Variants in AK1 observed in about 807,000 individuals in gnomAD.
AK1 encodes adenylate kinase isoenzyme 1.
In AK1, 13 loss-of-function variants were observed where a neutral mutation model predicts 23.9. That is an observed-to-expected ratio of 0.54 (90% CI 0.35 to 0.86). AK1 has a LOEUF of 0.86. Among genes scored for constraint, AK1 ranks in the 40% least tolerant of loss-of-function variants. AK1 has a pLI of 0.01. For synonymous variants in AK1, 97 were observed against 102.8 expected (o/e 0.94, Z 0.34); for missense variants, 214 against 255.1 (o/e 0.84, Z 1.10).
intron 2 of AK1, 139 bp downstream of exon 2, chr9:127,874,472 G>A: frequency 6.3e-7 from 1 of 1,593,340 alleles, no homozygotes; most frequent in East Asian, 2.3e-5. Context: ...GAGGATACTG[G>A]AGGCTCCCAG....
intron 4 of AK1, 109 bp from the exon 5 acceptor site, chr9:127,872,048 A>G (rs563055475): frequency 4.2e-6 from 4 of 941,286 alleles, no homozygotes; most frequent in Admixed American, 3.6e-5. Context: ...CCCCAACACA[A>G]ATGTCCCAAA....
At chr9:127,874,578 C>T in intron 2 of AK1, 33 bp downstream of exon 2, 1 of 1,613,120 alleles carries the variant, frequency 6.2e-7, no homozygotes, top group Non-Finnish European at 8.5e-7. Context: ...CACTGAGGCC[C>T]AGGCAATGGG....
chr9:127,867,794 T>C lies in AK1; in HGVS notation c.*214A>G. The C allele has an allele frequency of 5.4e-6, 3 of 556,854 alleles. No individual in the cohort carries two copies. In the South Asian group the frequency reaches 6.0e-5, roughly 11 times the overall value. The allele number at this position is 556,854 out of a possible 1,614,324, so 34.5% of individuals were successfully genotyped here. On this transcript the variant is annotated 3_prime_UTR_variant, in exon 7 of 7. Transcript: ENST00000644144. ...TTGCGGCCAGGTAGGCACAAGCACA[T>C]GAATCAACTCCAACTGGAAGCAGAG...
intron 4 of AK1, among the ~76,000 whole-genome samples, chr9:127,872,309 G>A (rs1000279446): frequency 2.0e-5 from 3 of 152,130 alleles, no homozygotes; most frequent in Non-Finnish European, 2.9e-5. Context: ...CAGGTTGTAC[G>A]GGCAGAGAAG....
chr9:127,870,371 T>C (rs1829364798), intron 5 of AK1, among the ~76,000 whole-genome samples: 1 of 151,980 alleles, frequency 6.6e-6, no homozygotes, highest in Admixed American at 6.6e-5. Flanking sequence ...CCTGGCTAAT[T>C]TTTGTATTTT....
intron 1 of AK1, among the ~76,000 whole-genome samples, chr9:127,876,555 GGGTA>G (rs1043020761): frequency 1.3e-5 from 2 of 152,228 alleles, no homozygotes; most frequent in African/African-American, 4.8e-5. Flanking sequence ...GCTTCAGCGG[GGGTA>G]GGAGCTGCCA....
At chr9:127,872,953 G>A in intron 3 of AK1, 73 bp downstream of exon 3, 3 of 1,613,212 alleles carry the variant, frequency 1.9e-6, no homozygotes, top group East Asian at 2.2e-5. Context: ...AGCCCAGGGT[G>A]CAGCCCCAGG....
At position 127,871,724 on chromosome 9, in the gene AK1, A is replaced by C. The variant is rs1829414282; in HGVS notation, c.324+99T>G. On this transcript the variant is annotated intron_variant, in intron 5 of 6. Coordinates refer to ENST00000644144, the MANE Select transcript of AK1 (RefSeq NM_000476.3). This position sits in a 1 kb window ranked among gnomAD's most constrained non-coding sequence, Gnocchi z 4.4. ...CTCCATGAATCAGCCTCTGCTCAGA[A>C]CTCTGACCTGCATCACAGCCCCCGC... 1 of 944,582 alleles carries C rather than the reference A, an allele frequency of 1.1e-6. No homozygotes were observed. Among genetic ancestry groups the C allele is most frequent in the African/African-American group, 1.8e-5 (1 of 55,634 alleles). The allele number at this position is 944,582 out of a possible 1,614,324, so 58.5% of individuals were successfully genotyped here. A position where few individuals can be genotyped will look rare whatever the true frequency, so the allele number is the denominator to read the frequency against.
intron 2 of AK1, 88 bp from the exon 3 acceptor site, chr9:127,873,149 C>T (rs1260656109): frequency 3.2e-6 from 5 of 1,564,454 alleles, no homozygotes; most frequent in Non-Finnish European, 3.5e-6. Flanking sequence ...TGTGCTGGGC[C>T]CCAGGCGGAG....
intron 2 of AK1, chr9:127,874,367 T>A (rs1221055581): frequency 3.0e-6 from 3 of 985,238 alleles, no homozygotes; most frequent in Non-Finnish European, 3.6e-6. Context: ...AAACCCAGCA[T>A]AGGGGGTGTG....
chr9:127,868,251 C>A lies in AK1; in HGVS notation c.516+70G>T, dbSNP rs1829293781. 6.6e-7 allele frequency: 1 copy of A among 1,504,708 alleles called. No homozygotes were observed. Among genetic ancestry groups the A allele is most frequent in the Non-Finnish European group, 9.0e-7 (1 of 1,106,092 alleles). The allele number at this position is 1,504,708 out of a possible 1,614,324, so 93.2% of individuals were successfully genotyped here. On this transcript the variant is annotated intron_variant, in intron 6 of 6. Transcript: ENST00000644144. The surrounding 1 kb of genome is among the most constrained non-coding windows in gnomAD (Gnocchi z 4.1). ...AGAGAGGGGCTGGCCTGAGGCCACA[C>A]AGTGAGCTGAGGCGGAGCCACATAG...
intron 4 of AK1, among the ~76,000 whole-genome samples, chr9:127,872,234 A>T (rs1210262534): frequency 6.6e-6 from 1 of 151,988 alleles, no homozygotes; most frequent in East Asian, 1.9e-4. Flanking sequence ...TGCCCTGGGG[A>T]GCTCAGGGGC....
chr9:127,867,819 GA>G lies in AK1; in HGVS notation c.*188del. The G allele has an allele frequency of 3.3e-6, 2 of 611,192 alleles. No homozygotes were observed. The highest frequency in any genetic ancestry group is 2.9e-6 in the Non-Finnish European group (1 of 341,770). The allele number at this position is 611,192 out of a possible 1,614,324, so 37.9% of individuals were successfully genotyped here. On this transcript the variant is annotated 3_prime_UTR_variant, in exon 7 of 7. Coordinates refer to ENST00000644144, the MANE Select transcript of AK1 (RefSeq NM_000476.3). ...TGAATCAACTCCAACTGGAAGCAGA[GA>G]AAAAGCAGTAAAACCAAATGTCCTT...
At chr9:127,874,587 G>C (rs766152032) in intron 2 of AK1, 24 bp downstream of exon 2, 3 of 1,613,278 alleles carry the variant, frequency 1.9e-6, no homozygotes, top group South Asian at 1.1e-5. Context: ...CCAGGCAATG[G>C]GCAAAAGGAG....
At chr9:127,874,916 G>A (rs1193026281) in intron 1 of AK1, 1 of 484,822 alleles carries the variant, frequency 2.1e-6, no homozygotes, top group African/African-American at 2.0e-5. Context: ...ATCCACCTGG[G>A]TTCCCGCTGG....
chr9:127,873,224 T>A lies in AK1; in HGVS notation c.8-163A>T, dbSNP rs753934618. On this transcript the variant is annotated intron_variant, in intron 2 of 6. Coordinates refer to ENST00000644144, the MANE Select transcript of AK1 (RefSeq NM_000476.3). Reference sequence around the variant, plus strand: ...AGTCACAGCCCAGAGTCAGCAGGGATGTGAGTGAGCTCGGAGCCTGGGAGA... The same window carrying A: ...AGTCACAGCCCAGAGTCAGCAGGGAAGTGAGTGAGCTCGGAGCCTGGGAGA... The A allele has an allele frequency of 2.5e-5, 39 of 1,537,872 alleles. No homozygotes were observed. The African/African-American group carries it at 4.6e-4, about 18-fold the overall frequency.
At chr9:127,876,932 G>A (rs1362706721) in intron 1 of AK1, among the ~76,000 whole-genome samples, 1 of 152,220 alleles carries the variant, frequency 6.6e-6, no homozygotes, top group African/African-American at 2.4e-5. Context: ...CAAGGCCAAG[G>A]CAAGCCCAGG....
rs778698940 is a variant in AK1, at chr9:127,872,766, C to A, written c.131G>T (p.Arg44Leu). 6.2e-7 allele frequency: 1 copy of A among 1,614,116 alleles called. No individual in the cohort carries two copies. Among genetic ancestry groups the A allele is most frequent in the Admixed American group, 1.7e-5 (1 of 60,032 alleles). The part of the protein sequence containing the change: ...YTHLSTGDLL[R>L]SEVSSGSARG... ...GGCCGAGCCTGAGCTGACCTCGGAC[C>A]GCAGGAGGTCCCCGGTGGAGAGGTG... Residue 44 changes from arginine (R) to leucine (L), a missense_variant, in exon 4 of 7, where the codon CGG becomes CTG. Transcript: ENST00000644144.
chr9:127,870,343 C>G (rs1829363801), intron 5 of AK1, among the ~76,000 whole-genome samples: 1 of 151,894 alleles, frequency 6.6e-6, no homozygotes, highest in Non-Finnish European at 1.5e-5. Flanking sequence ...GCTGGGATTA[C>G]AGGCGCCCGC....
Sources: gnomAD v4.1 joint callset for allele counts (sites outside exome capture counted in the v4.1 genomes callset) on GRCh38, gnomAD v4.1.1 for gene constraint, Gnocchi (gnomAD v3.1) non-coding constraint, MANE v1.5 for transcripts, NCBI Gene and HGNC (gene_info 2026-07-23, HGNC 2026-07-21) for gene names.